CYRIB: variants seen among roughly 807,000 people sequenced by gnomAD.
CYRIB encodes the protein CYFIP-related Rac1 interactor B.
In CYRIB, 8 loss-of-function variants were observed where a neutral mutation model predicts 44.2. The ratio of observed to expected loss-of-function variants is 0.18; its 90% CI spans 0.11 to 0.33. The LOEUF (loss-of-function observed/expected upper bound fraction) is 0.33, where lower values mean the gene tolerates loss of function less well. CYRIB is among the 10% of genes least tolerant of loss of function. The probability of loss-of-function intolerance (pLI) is 1.00; values close to 1 mark genes in which losing one functional copy is unlikely to be tolerated. For synonymous variants in CYRIB, 131 were observed against 127.2 expected, an observed-to-expected ratio of 1.03 and a Z score of -0.20; for missense variants, 185 against 382.8, an observed-to-expected ratio of 0.48 and a Z score of 4.31.
chr8:129,892,648 G>A (rs768558141), intron 2 of CYRIB, among the ~76,000 whole-genome samples: 4 of 152,176 alleles, frequency 2.6e-5, no homozygotes, highest in African/African-American at 4.8e-5. Context: ...GATGTAAAAC[G>A]CAAGAGCAAT....
chr8:129,889,212 T>C (rs907275902), intron 2 of CYRIB, among the ~76,000 whole-genome samples: 1 of 152,184 alleles, frequency 6.6e-6, no homozygotes, highest in Non-Finnish European at 1.5e-5. Context: ...CATGGTGTAC[T>C]CAATATTCTA....
chr8:129,925,863 A>C (rs1428421099), intron 1 of CYRIB, among the ~76,000 whole-genome samples: 1 of 152,224 alleles, frequency 6.6e-6, no homozygotes, highest in Non-Finnish European at 1.5e-5. Context: ...TCCCTCCAAC[A>C]AAGACAGAGG....
At chr8:129,845,270 A>G (rs1199817096) in intron 11 of CYRIB, among the ~76,000 whole-genome samples, 1 of 152,226 alleles carries the variant, frequency 6.6e-6, no homozygotes, top group African/African-American at 2.4e-5. Context: ...CAAGTTTTTA[A>G]AAAAGATTTC....
chr8:129,862,441 A>C (rs1157827943), intron 4 of CYRIB, 107 bp from the exon 7 acceptor site: 1 of 847,348 alleles, frequency 1.2e-6, no homozygotes, highest in Non-Finnish European at 1.9e-6. Context: ...GGTATAATCC[A>C]TAAAATATAG....
chr8:129,992,948 A>G (rs1318621540), intron 1 of CYRIB, among the ~76,000 whole-genome samples: 2 of 152,176 alleles, frequency 1.3e-5, no homozygotes, highest in East Asian at 3.9e-4. Context: ...AGGAAGAGCA[A>G]CCTTTCCTCT....
chr8:130,008,721 T>C (rs2097158290), intron 1 of CYRIB, among the ~76,000 whole-genome samples: 1 of 152,378 alleles, frequency 6.6e-6, no homozygotes, highest in Admixed American at 6.5e-5. Context: ...CATTTGATTC[T>C]TTCATTTGCA....
rs542746053 is a variant in CYRIB at position 129,935,285 on chromosome 8, T to C, written c.-50+4323A>G. On this transcript the variant is annotated intron_variant, in intron 1 of 11. Coordinates refer to ENST00000519824, the Ensembl canonical transcript of CYRIB. ...GTATGATTGGAAGGAATAAATATTC[T>C]AGATCAATGGTCCCCAATCTTTTTG... Among the ~76,000 whole-genome samples, 200 of 152,348 alleles carry C rather than the reference T, an allele frequency of 1.3e-3. 1 individual carries two copies. Among genetic ancestry groups the C allele is most frequent in the Non-Finnish European group, 1.9e-3 (132 of 68,028 alleles).
upstream of CYRIB, chr8:130,016,509 G>GGCAGCAGCAGCAGCAGCA (rs543173556): frequency 2.5e-5 from 4 of 157,916 alleles, no homozygotes; most frequent in Non-Finnish European, 5.5e-5. Context: ...CCGCCGCGGC[G>GGCAGCAGCAGCAGCAGCA]GCAGCAGCAG....
intron 1 of CYRIB, among the ~76,000 whole-genome samples, chr8:129,909,310 A>T (rs990117365): frequency 6.6e-6 from 1 of 152,156 alleles, no homozygotes; most frequent in Non-Finnish European, 1.5e-5. Context: ...TAAGGGTAAA[A>T]CATGCTCACT....
intron 1 of CYRIB, among the ~76,000 whole-genome samples, chr8:129,983,009 TAAA>T (rs3077880): frequency 7.2e-6 from 1 of 138,156 alleles, no homozygotes; most frequent in Non-Finnish European, 1.6e-5. Context: ...GTAGAGCTGT[TAAA>T]AAAAAAAAAA....
At chr8:129,999,163 G>A (rs1177382302) in intron 1 of CYRIB, among the ~76,000 whole-genome samples, 1 of 152,210 alleles carries the variant, frequency 6.6e-6, no homozygotes, top group Non-Finnish European at 1.5e-5. Context: ...CAGAGGAGCA[G>A]GGACAGAGTA....
upstream of CYRIB, among the ~76,000 whole-genome samples, chr8:129,944,061 C>G (rs1038187554): frequency 1.3e-5 from 2 of 151,878 alleles, no homozygotes; most frequent in African/African-American, 4.8e-5. Context: ...CATCATACAC[C>G]ATACTAAGAA....
chr8:129,977,816 G>A (rs1329032678), intron 1 of CYRIB, among the ~76,000 whole-genome samples: 2 of 152,226 alleles, frequency 1.3e-5, no homozygotes, highest in South Asian at 2.1e-4. Context: ...ACAGGCGTGA[G>A]CCACTGCTCC....
chr8:129,874,634 T>C (rs1457685748), intron 3 of CYRIB, among the ~76,000 whole-genome samples: 1 of 152,088 alleles, frequency 6.6e-6, no homozygotes, highest in Non-Finnish European at 1.5e-5. Flanking sequence ...ACATTTTGAA[T>C]GAATGAGAGG....
At chr8:130,015,945 A>C (rs2097332137) in intron 1 of CYRIB, among the ~76,000 whole-genome samples, 4 of 152,038 alleles carry the variant, frequency 2.6e-5, no homozygotes, top group African/African-American at 9.7e-5. Context: ...GCCGGGGGCC[A>C]GCGCTGCTCC....
intron 1 of CYRIB, among the ~76,000 whole-genome samples, chr8:130,015,538 G>C (rs1432224094): frequency 6.6e-6 from 1 of 152,122 alleles, no homozygotes; most frequent in Non-Finnish European, 1.5e-5. Flanking sequence ...CGCAGCCCCA[G>C]CTCTATCCCT....
intron 4 of CYRIB, among the ~76,000 whole-genome samples, chr8:129,863,053 A>G (rs1265616722): frequency 6.6e-6 from 1 of 152,226 alleles, no homozygotes; most frequent in Non-Finnish European, 1.5e-5. Flanking sequence ...AGAGTCTCTT[A>G]GTATTTCTTT....
chr8:129,876,079 C>T (rs2059012803), intron 3 of CYRIB, among the ~76,000 whole-genome samples: 1 of 151,376 alleles, frequency 6.6e-6, no homozygotes, highest in Non-Finnish European at 1.5e-5. Context: ...TGCCATTGCA[C>T]TCCAGCTTGG....
chr8:129,924,340 C>T (rs2086102230), intron 1 of CYRIB, among the ~76,000 whole-genome samples: 1 of 125,394 alleles, frequency 8.0e-6, no homozygotes, highest in Non-Finnish European at 1.6e-5. Context: ...CACATCAGTG[C>T]TAATAAGAGG....
Sources: allele counts gnomAD v4.1 joint callset (sites outside exome capture counted in the v4.1 genomes callset), GRCh38; gene constraint gnomAD v4.1.1; transcripts MANE v1.5; gene names NCBI Gene and HGNC (gene_info 2026-07-23, HGNC 2026-07-21).